The following ADAMTS19 variants were observed in gnomAD, a reference collection of about 807,000 sequenced individuals.
The protein encoded by ADAMTS19 is ADAM metallopeptidase with thrombospondin type 1 motif 19.
A neutral mutation model predicts 153.3 loss-of-function variants in ADAMTS19; 93 were observed. The observed-to-expected ratio is 0.61, with a 90% CI of 0.51 to 0.72. The LOEUF (loss-of-function observed/expected upper bound fraction) is 0.72. Ranked by LOEUF, ADAMTS19 falls within the 30% of genes least tolerant of loss-of-function variation. The probability of loss-of-function intolerance (pLI) is 0.00; values close to 1 mark genes in which losing one functional copy is unlikely to be tolerated. For synonymous variants in ADAMTS19, 600 were observed against 556.6 expected (o/e 1.08, Z -1.10); for missense variants, 1,482 against 1,552.1 (o/e 0.95, Z 0.76).
chr5:129,501,787 T>G (rs548032394), intron 2 of ADAMTS19, among the ~76,000 whole-genome samples: 143 of 152,282 alleles, frequency 9.4e-4, no homozygotes, highest in African/African-American at 3.3e-3. Context: ...ATAAAATGCC[T>G]TGTAAACAGG....
chr5:129,559,722 A>G (rs1388649947), intron 7 of ADAMTS19, among the ~76,000 whole-genome samples: 3 of 152,262 alleles, frequency 2.0e-5, no homozygotes, highest in African/African-American at 7.2e-5. Context: ...TCCAAGTCCA[A>G]AGTTTATCTT....
intron 2 of ADAMTS19, among the ~76,000 whole-genome samples, chr5:129,499,479 A>G (rs893437841): frequency 6.6e-6 from 1 of 152,142 alleles, no homozygotes; most frequent in Admixed American, 6.6e-5. Flanking sequence ...ATAGAGTTGA[A>G]AAGGCACATT....
intron 17 of ADAMTS19, among the ~76,000 whole-genome samples, chr5:129,683,404 A>G (rs1754916703): frequency 6.6e-6 from 1 of 151,118 alleles, no homozygotes; most frequent in South Asian, 2.1e-4. Flanking sequence ...GGTTTATTGA[A>G]CTATTTATAT....
At chr5:129,677,823 C>G (rs539323018) in intron 16 of ADAMTS19, among the ~76,000 whole-genome samples, 27 of 152,096 alleles carry the variant, frequency 1.8e-4, no homozygotes, top group East Asian at 3.9e-4. Context: ...CTTTCCCCCC[C>G]ACCCCGCCAG....
At chr5:129,571,847 G>C (rs1310900437) in intron 7 of ADAMTS19, among the ~76,000 whole-genome samples, 1 of 151,702 alleles carries the variant, frequency 6.6e-6, no homozygotes, top group African/African-American at 2.4e-5. Flanking sequence ...TCCAGAAATA[G>C]ATCCACACAA....
At chr5:129,701,722 G>A in intron 20 of ADAMTS19, 130 bp downstream of exon 20, 1 of 581,904 alleles carries the variant, frequency 1.7e-6, no homozygotes, top group Non-Finnish European at 2.7e-6. Flanking sequence ...TTTTGTTGAT[G>A]ATTAAAGGAA....
At chr5:129,499,073 G>A (rs954869912) in intron 2 of ADAMTS19, among the ~76,000 whole-genome samples, 15 of 151,744 alleles carry the variant, frequency 9.9e-5, no homozygotes, top group African/African-American at 3.4e-4. Flanking sequence ...AATAGATTTG[G>A]GCTAGACTGG....
intron 8 of ADAMTS19, among the ~76,000 whole-genome samples, chr5:129,613,354 T>A (rs545409765): frequency 1.4e-4 from 21 of 152,202 alleles, no homozygotes; most frequent in South Asian, 1.0e-3. Flanking sequence ...CACAGTGCAA[T>A]CAAACTAGAA....
chr5:129,517,409 T>G (rs1227013696), intron 3 of ADAMTS19, among the ~76,000 whole-genome samples: 1 of 151,942 alleles, frequency 6.6e-6, no homozygotes, highest in Non-Finnish European at 1.5e-5. Context: ...TATTGTATTG[T>G]GGCCTATTCT....
intron 8 of ADAMTS19, 49 bp from the exon 9 acceptor site, chr5:129,620,569 T>C (rs1317764117): frequency 6.7e-6 from 9 of 1,337,876 alleles, no homozygotes; most frequent in Non-Finnish European, 8.9e-6. Flanking sequence ...AGTTAACAAG[T>C]AACATTTACT....
At position 129,658,663 on chromosome 5, in the gene ADAMTS19, A is replaced by T; in HGVS notation, c.2351A>T (p.His784Leu). ...TTAGGGTCTCTTGCAAGAGAAGATC[A>T]TTGTGGTGTATGCAATGGCAATGGA... ...GLLGSLARED[H>L]CGVCNGNGKS... Residue 784 changes from histidine (H) to leucine (L), a missense_variant, in exon 15 of 23, where the codon CAT becomes CTT. Physicochemically the swap from His to Leu is moderately conservative, Grantham distance 99. This residue lies in a region of ADAMTS19 where 616 missense variants were observed against 724.4 expected (regional missense o/e 0.85). Transcript: ENST00000274487. The T allele has an allele frequency of 1.2e-6, 2 of 1,613,658 alleles. No individual in the cohort carries two copies. The highest frequency in any genetic ancestry group is 1.7e-6 in the Non-Finnish European group (2 of 1,179,750).
At chr5:129,636,255 G>A (rs755572468) in intron 10 of ADAMTS19, among the ~76,000 whole-genome samples, 13 of 152,132 alleles carry the variant, frequency 8.5e-5, no homozygotes, top group Non-Finnish European at 1.9e-4. Context: ...GAGACTTCAG[G>A]AAGTTGTTTT....
chr5:129,527,672 T>A, intron 4 of ADAMTS19, 76 bp from the exon 5 acceptor site: 1 of 594,422 alleles, frequency 1.7e-6, no homozygotes, highest in Non-Finnish European at 2.9e-6. Context: ...TTGAGACATC[T>A]CCATGTATGG....
intron 21 of ADAMTS19, among the ~76,000 whole-genome samples, chr5:129,718,024 G>A (rs1756810362): frequency 6.6e-6 from 1 of 152,160 alleles, no homozygotes; most frequent in African/African-American, 2.4e-5. Context: ...AAATAGAAAT[G>A]TCTTGATATA....
chr5:129,548,115 G>A (rs1193999356), intron 6 of ADAMTS19, among the ~76,000 whole-genome samples: 1 of 150,542 alleles, frequency 6.6e-6, no homozygotes, highest in Non-Finnish European at 1.5e-5. Context: ...ATAGGCATGG[G>A]CAAAGACTTC....
At chr5:129,508,515 A>G (rs995395439) in intron 2 of ADAMTS19, among the ~76,000 whole-genome samples, 2 of 152,028 alleles carry the variant, frequency 1.3e-5, no homozygotes, top group African/African-American at 4.8e-5. Context: ...ACTATGTGAA[A>G]TGAAACTTGT....
At chr5:129,624,051 T>C (rs565825663) in intron 10 of ADAMTS19, among the ~76,000 whole-genome samples, 66 of 127,050 alleles carry the variant, frequency 5.2e-4, no homozygotes, top group Non-Finnish European at 7.8e-4. Context: ...GGTGTGAACC[T>C]GGGAGGTGGA....
chr5:129,571,362 A>C (rs912652922), intron 7 of ADAMTS19, among the ~76,000 whole-genome samples: 8 of 151,678 alleles, frequency 5.3e-5, no homozygotes, highest in African/African-American at 1.9e-4. Context: ...ATATATGTAT[A>C]TGTATAAACA....
At chr5:129,517,680 A>G (rs1457317610) in intron 3 of ADAMTS19, among the ~76,000 whole-genome samples, 2 of 151,904 alleles carry the variant, frequency 1.3e-5, no homozygotes, top group Non-Finnish European at 2.9e-5. Flanking sequence ...GTCTCTTTAT[A>G]GGTGAAGTGT....
Sources: allele counts gnomAD v4.1 joint callset (sites outside exome capture counted in the v4.1 genomes callset), GRCh38; gene constraint gnomAD v4.1.1; regional missense constraint gnomAD v4.1.1; transcripts MANE v1.5; gene names NCBI Gene and HGNC (gene_info 2026-07-23, HGNC 2026-07-21).